SFTPD: variants seen among roughly 807,000 people sequenced by gnomAD.
SFTPD encodes the protein pulmonary surfactant-associated protein D.
Under a neutral mutation model 34.6 loss-of-function variants are expected in SFTPD, and 18 were observed. That is an observed-to-expected ratio of 0.52 (90% CI 0.36 to 0.77). The LOEUF is 0.77. Ranked by LOEUF, SFTPD falls within the 30% of genes least tolerant of loss-of-function variation. SFTPD has a pLI of 0.00. For synonymous variants in SFTPD, 155 were observed against 180.9 expected, an observed-to-expected ratio of 0.86 and a Z score of 1.15; for missense variants, 433 against 468.9, an observed-to-expected ratio of 0.92 and a Z score of 0.71.
At chr10:79,944,926 T>C (rs1038284676) in intron 2 of SFTPD, among the ~76,000 whole-genome samples, 1 of 152,008 alleles carries the variant, frequency 6.6e-6, no homozygotes, top group Admixed American at 6.5e-5. Context: ...GGGGTGGTTG[T>C]CACAAGCACA....
At chr10:79,942,292 G>T in intron 4 of SFTPD, 96 bp downstream of exon 4, 1 of 860,380 alleles carries the variant, frequency 1.2e-6, no homozygotes, top group Non-Finnish European at 1.9e-6. Flanking sequence ...AAGGGTCTGG[G>T]CTCTCCCTGG....
chr10:79,951,973 G>A (rs538384107), upstream of SFTPD, among the ~76,000 whole-genome samples: 1 of 152,278 alleles, frequency 6.6e-6, no homozygotes, highest in South Asian at 2.1e-4. Context: ...CCACATCCTG[G>A]GAAGGCAGGA....
rs140661058 is a variant in SFTPD, at chr10:79,947,016, T to C, written c.-3-354A>G. 2.6e-4 allele frequency among the ~76,000 whole-genome samples: 40 copies of C among 152,364 alleles called. No individual in the cohort carries two copies. The East Asian group carries it at 7.7e-3, about 29-fold the overall frequency. ...CATCTGTCACATCAAGAAGGGTTCA[T>C]TGAGTGCCTCTGGGCAGGACACCCC... is the stretch of plus-strand genomic sequence containing the variant. On this transcript the variant is annotated intron_variant, in intron 1 of 7. Coordinates refer to ENST00000372292, the MANE Select transcript of SFTPD (RefSeq NM_003019.5).
chr10:79,946,599 C>T lies in SFTPD; in HGVS notation c.61G>A (p.Ala21Thr), dbSNP rs765806878. 3.7e-6 allele frequency: 6 copies of T among 1,614,080 alleles called. No homozygotes were observed. In the African/African-American group the frequency reaches 8.0e-5, roughly 22 times the overall value. Residue 21 changes from alanine (A) to threonine (T), a missense_variant, in exon 2 of 8, where the codon GCA becomes ACA. By Grantham distance (58) the Ala-to-Thr change is moderately conservative (BLOSUM62 0). Coordinates refer to ENST00000372292, the MANE Select transcript of SFTPD (RefSeq NM_003019.5). ...CTGTGGGAGTAGGTCTTCATTTCTG[C>T]TTCCAGGTAGCCCAGGGGCTGTGTG... is the stretch of plus-strand genomic sequence containing the variant. The part of the protein sequence containing the change: ...LLTQPLGYLE[A>T]EMKTYSHRTM...
At chr10:79,962,456 A>G (rs1842778990) in intron 1 of SFTPD, among the ~76,000 whole-genome samples, 1 of 152,130 alleles carries the variant, frequency 6.6e-6, no homozygotes, top group Admixed American at 6.6e-5. Context: ...CTTACATACA[A>G]AATATACATT....
chr10:79,945,313 T>TC (rs555901570), intron 2 of SFTPD, among the ~76,000 whole-genome samples: 15 of 151,782 alleles, frequency 9.9e-5, no homozygotes, highest in Non-Finnish European at 2.1e-4. Context: ...CATTCTGGGA[T>TC]CCCCCCTGGA....
At chr10:79,979,710 GT>G (rs540946115) in intron 1 of SFTPD, among the ~76,000 whole-genome samples, 35 of 152,352 alleles carry the variant, frequency 2.3e-4, no homozygotes, top group African/African-American at 7.2e-4. Context: ...TTGAAAGGCA[GT>G]CTAGACACAA....
chr10:79,942,430 G>T lies in SFTPD; in HGVS notation c.391C>A (p.Pro131Thr), dbSNP rs200767343. ...CCTTTTGGGCCTGGCTTGCCCTGAGGTCCTATGTTCCCCTGCTTCCCCAGG... is the reference window on the plus strand; with the variant it reads ...CCTTTTGGGCCTGGCTTGCCCTGAGTTCCTATGTTCCCCTGCTTCCCCAGG... ...GPLGKQGNIG[P>T]QGKPGPKGEA... The change falls in exon 4 of 8, where the codon CCT becomes ACT. Residue 131 changes from proline (P) to threonine (T), a missense_variant. Transcript: ENST00000372292. The T allele has an allele frequency of 5.6e-6, 9 of 1,613,494 alleles. No homozygotes were observed. In the East Asian group the frequency reaches 2.0e-4, roughly 36 times the overall value.
At chr10:79,976,919 T>C (rs1842866920) in intron 1 of SFTPD, among the ~76,000 whole-genome samples, 1 of 152,182 alleles carries the variant, frequency 6.6e-6, no homozygotes, top group Non-Finnish European at 1.5e-5. Context: ...ATAAGTCTCA[T>C]GAGATCTGGT....
chr10:79,957,913 A>G (rs1188157778), intron 1 of SFTPD, among the ~76,000 whole-genome samples: 3 of 152,232 alleles, frequency 2.0e-5, no homozygotes, highest in Non-Finnish European at 4.4e-5. Flanking sequence ...AGGTCGGGTT[A>G]CCCACAACGG....
chr10:79,942,162 A>C, intron 4 of SFTPD, 92 bp from the exon 5 acceptor site: 1 of 913,036 alleles, frequency 1.1e-6, no homozygotes, highest in Non-Finnish European at 1.7e-6. Context: ...CCGCAACTTT[A>C]GGGTCAGAGA....
intron 1 of SFTPD, among the ~76,000 whole-genome samples, chr10:79,973,404 T>C (rs1018666473): frequency 2.6e-5 from 4 of 151,586 alleles, no homozygotes; most frequent in East Asian, 3.9e-4. Flanking sequence ...TGAATCACAA[T>C]GTCAGGAGTT....
chr10:79,961,236 G>T (rs554016207), intron 1 of SFTPD, among the ~76,000 whole-genome samples: 1 of 152,246 alleles, frequency 6.6e-6, no homozygotes, highest in African/African-American at 2.4e-5. Flanking sequence ...ATAGGCTTGG[G>T]CAAGGACTTC....
At chr10:79,941,268 T>G in intron 6 of SFTPD, 130 bp downstream of exon 6, 4 of 801,300 alleles carry the variant, frequency 5.0e-6, no homozygotes, top group Non-Finnish European at 8.2e-6. Context: ...CCGCCTTTCC[T>G]GAGTTCCACC....
intron 1 of SFTPD, among the ~76,000 whole-genome samples, chr10:79,957,840 C>A (rs1842748837): frequency 6.6e-6 from 1 of 152,094 alleles, no homozygotes; most frequent in Non-Finnish European, 1.5e-5. Context: ...CTCCAAGACA[C>A]ATAATTGTCA....
intron 1 of SFTPD, among the ~76,000 whole-genome samples, chr10:79,956,697 C>T (rs543572028): frequency 1.2e-4 from 18 of 152,362 alleles, no homozygotes; most frequent in African/African-American, 4.3e-4. Context: ...GGAGGCCTGC[C>T]TGCCTCTGTA....
chr10:79,963,087 A>G (rs1842783986), intron 1 of SFTPD, among the ~76,000 whole-genome samples: 1 of 152,188 alleles, frequency 6.6e-6, no homozygotes, highest in Non-Finnish European at 1.5e-5. Context: ...TCACATCTGT[A>G]ATCCTAGCAT....
Position 79,946,467 on chromosome 10 carries a change from C to A in SFTPD, c.193G>T (p.Asp65Tyr). 6.2e-7 allele frequency: 1 copy of A among 1,613,372 alleles called. No individual in the cohort carries two copies. Among genetic ancestry groups the A allele is most frequent in the Admixed American group, 1.7e-5 (1 of 60,020 alleles). ...GREGPRGEKGDPGLPGAAGQA... is the reference protein window; with the variant it reads ...GREGPRGEKGYPGLPGAAGQA... ...GCCCAGGGCCCCACCCTACCTGGGT[C>A]CCCCTTCTCGCCCCGAGGGCCCTCT... is the stretch of plus-strand genomic sequence containing the variant. The change falls in exon 2 of 8, where the codon GAC (aspartate) becomes TAC (tyrosine). Residue 65 changes from aspartate to tyrosine, a missense_variant. Physicochemically the swap from Asp to Tyr is radical, Grantham distance 160. Transcript: ENST00000372292.
At position 79,938,234 on chromosome 10, in the gene SFTPD, A is replaced by G. The variant is rs369423105; in HGVS notation, c.752-6T>C. The G allele has an allele frequency of 2.5e-6, 4 of 1,579,452 alleles. No homozygotes were observed. The African/African-American group carries it at 4.2e-5, about 17-fold the overall frequency. Reference sequence around the variant, plus strand: ...GCCATTTGGGAAGAGCTCAACTAGGAGAAGAAGAAAGTCAGGTTGGGGTTG... The same window carrying G: ...GCCATTTGGGAAGAGCTCAACTAGGGGAAGAAGAAAGTCAGGTTGGGGTTG... On this transcript the variant is annotated splice_region_variant and splice_polypyrimidine_tract_variant and intron_variant, in intron 7 of 7. Transcript: ENST00000372292.
Sources: allele counts gnomAD v4.1 joint callset (sites outside exome capture counted in the v4.1 genomes callset), GRCh38; gene constraint gnomAD v4.1.1; transcripts MANE v1.5; gene names NCBI Gene and HGNC (gene_info 2026-07-23, HGNC 2026-07-21).